PCDH11X: variants seen among roughly 807,000 people sequenced by gnomAD.
PCDH11X encodes protocadherin-11 X-linked.
In PCDH11X, 18 loss-of-function variants were observed where a neutral mutation model predicts 53.3. That is an observed-to-expected ratio of 0.34 (90% confidence interval 0.23 to 0.50). The LOEUF (loss-of-function observed/expected upper bound fraction) is 0.50, where lower values mean the gene tolerates loss of function less well. Among genes scored for constraint, PCDH11X ranks in the 20% least tolerant of loss-of-function variants. PCDH11X has a pLI of 0.98. For synonymous variants in PCDH11X, 279 were observed against 393.3 expected (o/e 0.71, Z 3.44); for missense variants, 570 against 1,032.4 (o/e 0.55, Z 6.14).
intron 6 of PCDH11X, among the ~76,000 whole-genome samples, chrX:91,908,883 G>T (rs1396177376): frequency 1.0e-4 from 11 of 107,854 alleles, no homozygotes; most frequent in African/African-American, 3.7e-4. Context: ...TACTATTCAT[G>T]GGAGTATAAA....
chrX:92,048,166 T>C (rs1479083281), intron 6 of PCDH11X, among the ~76,000 whole-genome samples: 2 of 108,510 alleles, frequency 1.8e-5, no homozygotes, highest in African/African-American at 6.7e-5. Flanking sequence ...GGAGAAGACA[T>C]GATCTTCCAG....
At chrX:92,412,455 G>T (rs1335897192) in intron 9 of PCDH11X, among the ~76,000 whole-genome samples, 1 of 96,470 alleles carries the variant, frequency 1.0e-5, no homozygotes, top group East Asian at 3.1e-4. Context: ...GGCTTTAATT[G>T]TTGACAATTT....
At chrX:92,394,453 G>A (rs1356992674) in intron 9 of PCDH11X, among the ~76,000 whole-genome samples, 1 of 110,489 alleles carries the variant, frequency 9.1e-6, no homozygotes, top group Non-Finnish European at 1.9e-5. Context: ...CACCTAAAGT[G>A]GCAGAGAATA....
chrX:92,124,169 TCA>T (rs1431398707), intron 6 of PCDH11X, among the ~76,000 whole-genome samples: 5 of 111,157 alleles, frequency 4.5e-5, no homozygotes, highest in African/African-American at 9.8e-5. Flanking sequence ...ATTTTATGTG[TCA>T]CATATTATAA....
intron 1 of PCDH11X, among the ~76,000 whole-genome samples, chrX:91,795,716 T>A (rs1935710466): frequency 9.0e-6 from 1 of 111,656 alleles, no homozygotes; most frequent in African/African-American, 3.3e-5. Context: ...TACGGAAATA[T>A]CACTATAATA....
chrX:91,979,196 G>GT, intron 6 of PCDH11X, among the ~76,000 whole-genome samples: 1 of 107,440 alleles, frequency 9.3e-6, no homozygotes, highest in East Asian at 3.0e-4. Context: ...AATTCAGTAG[G>GT]TTTGTTCTTG....
chrX:91,878,806 AC>A lies in PCDH11X; in HGVS notation c.2570del (p.Pro857GlnfsTer8). The A allele has an allele frequency of 8.3e-7, 1 of 1,211,351 alleles. No individual in the cohort carries two copies. Among genetic ancestry groups the A allele is most frequent in the Non-Finnish European group, 1.1e-6 (1 of 895,430 alleles). ...AAACAAGCAGAATTCTGAATGGGCT[AC>A]CCCAAACCCAGAAAACAGGCAGATG... ...QKNKQNSEWA[T>X]PNPENRQMIM... is the part of the protein sequence containing the mutation. On this transcript the variant is annotated frameshift_variant, in exon 6 of 11. Coordinates refer to ENST00000682573, the MANE Select transcript of PCDH11X (RefSeq NM_032968.5). LOFTEE classifies it high-confidence loss of function.
At position 92,462,358 on chromosome X, in the gene PCDH11X, A is replaced by G. The variant is rs748382198; in HGVS notation, c.3344-5941A>G. On this transcript the variant is annotated intron_variant, in intron 9 of 10. Transcript: ENST00000682573. ...ATTTTGTCTGCATTAAAATCATGCAAAGGAACACGCTTTACAAATCAATTT... is the reference window on the plus strand; with the variant it reads ...ATTTTGTCTGCATTAAAATCATGCAGAGGAACACGCTTTACAAATCAATTT... Among the ~76,000 whole-genome samples the G allele has an allele frequency of 2.2e-3, 244 of 110,878 alleles. 2 individuals are homozygous for G. Among genetic ancestry groups the G allele is most frequent in the African/African-American group, 7.7e-3 (234 of 30,457 alleles).
chrX:91,995,631 T>A (rs1476997004), intron 6 of PCDH11X, among the ~76,000 whole-genome samples: 2 of 111,404 alleles, frequency 1.8e-5, no homozygotes, highest in East Asian at 5.7e-4. Flanking sequence ...TCCAGCTTTG[T>A]TCTTCTTCCT....
At chrX:91,895,465 G>A (rs1232556107) in intron 6 of PCDH11X, among the ~76,000 whole-genome samples, 1 of 110,347 alleles carries the variant, frequency 9.1e-6, no homozygotes, top group Non-Finnish European at 1.9e-5. Context: ...GGATTCTCTC[G>A]GACATTTCCT....
At chrX:92,436,991 AG>A (rs1284413033) in intron 9 of PCDH11X, among the ~76,000 whole-genome samples, 67 of 103,821 alleles carry the variant, frequency 6.5e-4, no homozygotes, top group African/African-American at 1.9e-3. Context: ...AAAAAAAAAA[AG>A]AATGTAATTT....
chrX:91,862,264 C>T (rs1463558613), intron 5 of PCDH11X, among the ~76,000 whole-genome samples: 2 of 108,713 alleles, frequency 1.8e-5, no homozygotes, highest in Non-Finnish European at 3.8e-5. Context: ...TTTATTACAG[C>T]TTTGATCTCA....
At chrX:92,559,115 T>G (rs1318927052) in intron 10 of PCDH11X, among the ~76,000 whole-genome samples, 1 of 111,121 alleles carries the variant, frequency 9.0e-6, no homozygotes, top group Admixed American at 9.7e-5. Context: ...TGGGAAGACA[T>G]TTGGGTATTT....
chrX:92,209,147 C>T (rs1005946273), intron 7 of PCDH11X, among the ~76,000 whole-genome samples: 4 of 111,274 alleles, frequency 3.6e-5, no homozygotes, highest in Non-Finnish European at 5.6e-5. Flanking sequence ...TCCACCAACC[C>T]CTCCCAAATC....
At chrX:92,356,115 C>T (rs1036214104) in intron 8 of PCDH11X, among the ~76,000 whole-genome samples, 53 of 111,309 alleles carry the variant, frequency 4.8e-4, no homozygotes, top group Non-Finnish European at 7.2e-4. Context: ...ATTTGGAGAG[C>T]GAAGCAAAAG....
At chrX:92,168,070 C>A (rs1239454202) in intron 6 of PCDH11X, among the ~76,000 whole-genome samples, 1 of 102,735 alleles carries the variant, frequency 9.7e-6, no homozygotes, top group Non-Finnish European at 2.0e-5. Context: ...ACTTCAGCCT[C>A]CCAAGTAGCT....
rs1023857780 is a variant in PCDH11X at position 92,361,953 on chromosome X, A to G, written c.3145-25782A>G. ...TTTTTTGGGTTATTTAACTTAGCATAATATTCTCAAGGTACACCCACATTG... is the reference window on the plus strand; with the variant it reads ...TTTTTTGGGTTATTTAACTTAGCATGATATTCTCAAGGTACACCCACATTG... On this transcript the variant is annotated intron_variant, in intron 8 of 10. Transcript: ENST00000682573. 4.5e-5 allele frequency among the ~76,000 whole-genome samples: 5 copies of G among 111,494 alleles called. No individual in the cohort carries two copies. The Admixed American group carries it at 4.8e-4, about 11-fold the overall frequency.
chrX:92,141,852 T>C (rs1214753114), intron 6 of PCDH11X, among the ~76,000 whole-genome samples: 2 of 111,615 alleles, frequency 1.8e-5, no homozygotes, highest in Non-Finnish European at 3.8e-5. Flanking sequence ...ATGTTTCTGA[T>C]TCCCCGGAAT....
chrX:92,086,301 A>G (rs2063949171), intron 6 of PCDH11X, among the ~76,000 whole-genome samples: 1 of 111,477 alleles, frequency 9.0e-6, no homozygotes, highest in South Asian at 3.7e-4. Context: ...AAGATATATC[A>G]TTTCAGGAAT....
Sources: allele counts gnomAD v4.1 joint callset (sites outside exome capture counted in the v4.1 genomes callset), GRCh38; gene constraint gnomAD v4.1.1; transcripts MANE v1.5; gene names NCBI Gene and HGNC (gene_info 2026-07-23, HGNC 2026-07-21).